Variants in LUZP2 observed in about 807,000 individuals in gnomAD.
LUZP2 encodes the protein leucine zipper protein 2.
Under a neutral mutation model 51.6 loss-of-function variants are expected in LUZP2, and 52 were observed. The observed-to-expected ratio is 1.01, with a 90% CI of 0.81 to 1.27. The LOEUF is 1.27. Ranked by LOEUF, LUZP2 falls within the 50% of genes most tolerant of loss-of-function variation. The pLI, the probability that LUZP2 is intolerant of heterozygous loss-of-function variation, is 0.00. For synonymous variants in LUZP2, 154 were observed against 137.3 expected (o/e 1.12, Z -0.85); for missense variants, 436 against 395.4 (o/e 1.10, Z -0.87).
At chr11:24,997,179 C>T (rs1856530177) in intron 9 of LUZP2, among the ~76,000 whole-genome samples, 1 of 150,800 alleles carries the variant, frequency 6.6e-6, no homozygotes, top group African/African-American at 2.4e-5. Context: ...TTCTAGATCC[C>T]TGAGGAATCG....
chr11:24,994,159 C>CTTTTTTTTTT (rs58939086), intron 9 of LUZP2, among the ~76,000 whole-genome samples: 1 of 127,682 alleles, frequency 7.8e-6, no homozygotes, highest in Non-Finnish European at 1.6e-5. Flanking sequence ...GCACCTGGCC[C>CTTTTTTTTTT]TTTTTTTTTT....
intron 7 of LUZP2, among the ~76,000 whole-genome samples, chr11:24,952,741 T>C (rs1043369652): frequency 1.3e-5 from 2 of 152,012 alleles, no homozygotes; most frequent in African/African-American, 4.8e-5. Flanking sequence ...ATAATACTTT[T>C]TGTTCTACTG....
chr11:24,742,447 C>G (rs1377184353), intron 4 of LUZP2, among the ~76,000 whole-genome samples: 2 of 151,900 alleles, frequency 1.3e-5, no homozygotes, highest in Non-Finnish European at 2.9e-5. Context: ...TTTCCCTGAT[C>G]ATTAATGATA....
intron 7 of LUZP2, among the ~76,000 whole-genome samples, chr11:24,923,463 G>A (rs949581325): frequency 2.6e-5 from 4 of 151,914 alleles, no homozygotes; most frequent in Non-Finnish European, 5.9e-5. Flanking sequence ...TTGGGAGGCC[G>A]AGGTGGGGGT....
chr11:24,934,221 T>C (rs1854533372), intron 7 of LUZP2, among the ~76,000 whole-genome samples: 1 of 152,228 alleles, frequency 6.6e-6, no homozygotes, highest in Non-Finnish European at 1.5e-5. Flanking sequence ...TCTGGATATA[T>C]ACACATGCAG....
At chr11:24,964,987 G>A (rs1161071184) in intron 7 of LUZP2, among the ~76,000 whole-genome samples, 1 of 151,720 alleles carries the variant, frequency 6.6e-6, no homozygotes, top group Non-Finnish European at 1.5e-5. Context: ...ATTTCTAGAT[G>A]TGTAGTTCAG....
intron 1 of LUZP2, among the ~76,000 whole-genome samples, chr11:24,510,534 G>A (rs6484053): frequency 0.56 from 85,057 of 151,946 alleles, 24,965 homozygotes; most frequent in African/African-American, 0.77. Context: ...CATAAGTTAT[G>A]TAACAGGTAG....
intron 7 of LUZP2, among the ~76,000 whole-genome samples, chr11:24,919,139 T>C (rs1462249245): frequency 3.2e-4 from 36 of 110,886 alleles, no homozygotes; most frequent in Non-Finnish European, 4.9e-4. Context: ...TATATATATG[T>C]TATATATAGT....
chr11:25,043,277 T>G (rs1300571176), intron 9 of LUZP2, among the ~76,000 whole-genome samples: 6 of 152,170 alleles, frequency 3.9e-5, no homozygotes, highest in Admixed American at 3.9e-4. Context: ...TCATATAAAG[T>G]AGAACATTGA....
chr11:24,573,862 TA>T (rs1005340391), intron 1 of LUZP2, among the ~76,000 whole-genome samples: 16 of 95,692 alleles, frequency 1.7e-4, no homozygotes, highest in African/African-American at 3.8e-4. Flanking sequence ...ATTCTTGTTT[TA>T]TTTTTTTTAT....
intron 9 of LUZP2, among the ~76,000 whole-genome samples, chr11:25,028,575 G>A (rs905401483): frequency 1.3e-5 from 2 of 152,024 alleles, no homozygotes; most frequent in Admixed American, 1.3e-4. Flanking sequence ...ATTTATTTCT[G>A]GGAGCTAAAA....
At chr11:24,920,684 A>G (rs1854021311) in intron 7 of LUZP2, among the ~76,000 whole-genome samples, 1 of 150,976 alleles carries the variant, frequency 6.6e-6, no homozygotes, top group African/African-American at 2.5e-5. Flanking sequence ...AACAACCCAG[A>G]CACAGAAATA....
At chr11:24,608,581 G>A (rs3992982) in intron 1 of LUZP2, among the ~76,000 whole-genome samples, 41,237 of 151,950 alleles carry the variant, frequency 0.27, 5,792 homozygotes, top group Admixed American at 0.33. Flanking sequence ...GATTTTTAGA[G>A]TTAGGGCATG....
At chr11:24,831,663 C>T (rs902975097) in intron 5 of LUZP2, among the ~76,000 whole-genome samples, 17 of 152,098 alleles carry the variant, frequency 1.1e-4, no homozygotes, top group African/African-American at 4.1e-4. Flanking sequence ...AACGTTGTAG[C>T]ATGCCATTTA....
At chr11:24,949,140 CA>C (rs1200686082) in intron 7 of LUZP2, among the ~76,000 whole-genome samples, 2 of 151,502 alleles carry the variant, frequency 1.3e-5, no homozygotes, top group African/African-American at 4.8e-5. Flanking sequence ...CAGGAAAAAA[CA>C]TATGTTTTAG....
chr11:25,070,520 G>T (rs1859123909), intron 10 of LUZP2, among the ~76,000 whole-genome samples: 1 of 140,792 alleles, frequency 7.1e-6, no homozygotes, highest in Admixed American at 7.2e-5. Context: ...GTCTGCCTGT[G>T]AGAACCTATC....
At chr11:24,633,107 T>C (rs1854950632) in intron 1 of LUZP2, among the ~76,000 whole-genome samples, 1 of 152,002 alleles carries the variant, frequency 6.6e-6, no homozygotes, top group Admixed American at 6.6e-5. Context: ...GATTTTCTTG[T>C]TGCCTTCATG....
chr11:25,040,562 G>A (rs950166270), intron 9 of LUZP2, among the ~76,000 whole-genome samples: 1 of 151,968 alleles, frequency 6.6e-6, no homozygotes, highest in Non-Finnish European at 1.5e-5. Flanking sequence ...TAATCCAAAC[G>A]CTATTTGATT....
intron 10 of LUZP2, among the ~76,000 whole-genome samples, chr11:25,062,436 T>A (rs144512063): frequency 0.37 from 53,590 of 146,526 alleles, 12,457 homozygotes; most frequent in East Asian, 0.77. Context: ...AATAAAAAAA[T>A]ATATATATCT....
Sources: allele counts gnomAD v4.1 joint callset (sites outside exome capture counted in the v4.1 genomes callset), GRCh38; gene constraint gnomAD v4.1.1; transcripts MANE v1.5; gene names NCBI Gene and HGNC (gene_info 2026-07-23, HGNC 2026-07-21).